The following MED1 variants were observed in gnomAD, a reference collection of about 807,000 sequenced individuals.
The protein encoded by MED1 is mediator of RNA polymerase II transcription subunit 1.
Under a neutral mutation model 121.3 loss-of-function variants are expected in MED1, and 17 were observed. The observed-to-expected ratio is 0.14, with a 90% CI of 0.10 to 0.21. The LOEUF (loss-of-function observed/expected upper bound fraction) is 0.21, where lower values mean the gene tolerates loss of function less well. Ranked by LOEUF, MED1 falls within the 10% of genes least tolerant of loss-of-function variation. The pLI, the probability that MED1 is intolerant of heterozygous loss-of-function variation, is 1.00. For synonymous variants in MED1, 661 were observed against 694.4 expected, an observed-to-expected ratio of 0.95 and a Z score of 0.76; for missense variants, 1,558 against 1,919.4, an observed-to-expected ratio of 0.81 and a Z score of 3.52.
intron 14 of MED1, among the ~76,000 whole-genome samples, chr17:39,416,904 G>A (rs1044523482): frequency 1.3e-5 from 2 of 152,168 alleles, no homozygotes; most frequent in Non-Finnish European, 2.9e-5. Flanking sequence ...TAGATGTAGA[G>A]GTGCATGCCT....
At position 39,407,427 on chromosome 17, in the gene MED1, C is replaced by A; in HGVS notation, c.*48G>T. ...TATGGTGGTTTGCCTATAAACTTAT[C>A]AATAGTTTTTTTTCCTCTGGCCCTG... On this transcript the variant is annotated 3_prime_UTR_variant, in exon 17 of 17. Coordinates refer to ENST00000300651, the MANE Select transcript of MED1 (RefSeq NM_004774.4). 1.9e-6 allele frequency: 3 copies of A among 1,543,934 alleles called. No homozygotes were observed. Among genetic ancestry groups the A allele is most frequent in the South Asian group, 2.6e-5 (2 of 78,290 alleles).
intron 10 of MED1, among the ~76,000 whole-genome samples, chr17:39,424,960 A>G (rs1278703992): frequency 1.3e-5 from 2 of 152,036 alleles, no homozygotes; most frequent in Non-Finnish European, 2.9e-5. Context: ...GCTCACTGCA[A>G]GCTCCACCTC....
intron 5 of MED1, among the ~76,000 whole-genome samples, chr17:39,439,936 GAA>G (rs552947074): frequency 8.5e-6 from 1 of 117,408 alleles, no homozygotes; most frequent in Admixed American, 1.0e-4. Context: ...CTGTCCCAGG[GAA>G]AAAAAAAAAG....
chr17:39,410,164 T>C lies in MED1; in HGVS notation c.2057A>G (p.Lys686Arg). Residue 686 changes from lysine (K) to arginine (R), a missense_variant, in exon 17 of 17, where the codon AAG becomes AGG. Lys to Arg is a conservative substitution (Grantham distance 26). This residue lies in a region of MED1 where 793 missense variants were observed against 898.2 expected (regional missense o/e 0.88). Coordinates refer to ENST00000300651, the MANE Select transcript of MED1 (RefSeq NM_004774.4). ...TCTTGATGACTTCTTTTTCTTGGTC[T>C]TGTTGCTCCCCGAGCATATTTCCAT... ...PRMEICSGSN[K>R]TKKKKSSRLP... 1.2e-6 allele frequency: 2 copies of C among 1,614,168 alleles called. No individual in the cohort carries two copies. The highest frequency in any genetic ancestry group is 1.7e-6 in the Non-Finnish European group (2 of 1,180,002).
intron 2 of MED1, among the ~76,000 whole-genome samples, chr17:39,447,336 A>T (rs2144777125): frequency 6.6e-6 from 1 of 151,892 alleles, no homozygotes; most frequent in South Asian, 2.1e-4. Flanking sequence ...GGTTGCAGTG[A>T]GCCGAGATCG....
chr17:39,421,588 A>T (rs1004458427), intron 13 of MED1, among the ~76,000 whole-genome samples: 3 of 151,842 alleles, frequency 2.0e-5, no homozygotes, highest in African/African-American at 7.2e-5. Context: ...GGATTTTGCC[A>T]CGTTGCCCAG....
At position 39,432,609 on chromosome 17, in the gene MED1, C is replaced by T. The variant is rs954434216; in HGVS notation, c.501-593G>A. On this transcript the variant is annotated intron_variant, in intron 7 of 16. Coordinates refer to ENST00000300651, the MANE Select transcript of MED1 (RefSeq NM_004774.4). ...ATAAAATACAAAAAAAAAAAATTAG[C>T]CAGGCGTGGCAGCATGCGCCTGTAG... Among the ~76,000 whole-genome samples, 10 of 151,156 alleles carry T rather than the reference C, an allele frequency of 6.6e-5. No individual in the cohort carries two copies. The South Asian group carries it at 1.5e-3, about 22-fold the overall frequency.
chr17:39,424,355 G>A (rs1376176642), intron 11 of MED1, among the ~76,000 whole-genome samples: 1 of 152,134 alleles, frequency 6.6e-6, no homozygotes, highest in African/African-American at 2.4e-5. Context: ...TTACTCCAAT[G>A]TAACTAATGA....
rs758153636 is a variant in MED1, at chr17:39,443,535, A to G, written c.211+15T>C. On this transcript the variant is annotated intron_variant, in intron 3 of 16. Transcript: ENST00000300651. Reference sequence around the variant, plus strand: ...GGTTTTGTGAAATCAGCATATTTCAAAAGTGTTCACAAACCTTTGAGAGCC... The same window carrying G: ...GGTTTTGTGAAATCAGCATATTTCAGAAGTGTTCACAAACCTTTGAGAGCC... 5.6e-6 allele frequency: 9 copies of G among 1,605,844 alleles called. No individual in the cohort carries two copies. The highest frequency in any genetic ancestry group is 2.7e-5 in the African/African-American group (2 of 74,756).
At chr17:39,434,148 G>A (rs2048596454) in intron 7 of MED1, 101 bp downstream of exon 7, 1 of 725,762 alleles carries the variant, frequency 1.4e-6, no homozygotes, top group East Asian at 3.0e-5. Flanking sequence ...GAAACTAGGA[G>A]TGACAAACAG....
chr17:39,431,571 G>A (rs1415804552), intron 8 of MED1, among the ~76,000 whole-genome samples: 6 of 152,150 alleles, frequency 3.9e-5, no homozygotes, highest in African/African-American at 9.7e-5. Context: ...GAGCCACCGC[G>A]CCCAGCCCAA....
chr17:39,427,881 A>G, intron 9 of MED1, 91 bp from the exon 10 acceptor site: 1 of 808,254 alleles, frequency 1.2e-6, no homozygotes, highest in East Asian at 2.8e-5. Context: ...CCGATATTCA[A>G]GAAAGTACTT....
In MED1 at chr17:39,407,928, A is replaced by G. The variant is rs368340523; in HGVS notation, c.4293T>C (p.Tyr1431=). ...TGGAACCACTGATGAGTGGAGAGCC[A>G]TAGTTTTTAGAAGAAGCCATTTGAG... ...LRPQMASSKN[Y]GSPLISGSTP... The change falls in exon 17 of 17, where the codon TAT becomes TAC. Residue 1431 remains tyrosine (Y), a synonymous_variant. Transcript: ENST00000300651. The G allele has an allele frequency of 1.6e-4, 265 of 1,614,064 alleles. 1 individual carries two copies. Among genetic ancestry groups the G allele is most frequent in the Non-Finnish European group, 2.2e-4 (256 of 1,180,054 alleles).
At chr17:39,432,629 C>T (rs2048576186) in intron 7 of MED1, among the ~76,000 whole-genome samples, 1 of 151,656 alleles carries the variant, frequency 6.6e-6, no homozygotes, top group African/African-American at 2.4e-5. Context: ...CAGCATGCGC[C>T]TGTAGTCCCA....
At chr17:39,422,897 G>A (rs1325045413) in intron 13 of MED1, among the ~76,000 whole-genome samples, 6 of 110,764 alleles carry the variant, frequency 5.4e-5, no homozygotes, top group African/African-American at 1.4e-4. Context: ...ACAGAGTCTC[G>A]CTCTGTCACC....
At position 39,432,008 on chromosome 17, in the gene MED1, T is replaced by G. The variant is rs1299878128; in HGVS notation, c.509A>C (p.Lys170Thr). 6.2e-7 allele frequency: 1 copy of G among 1,605,990 alleles called. No individual in the cohort carries two copies. Residue 170 changes from lysine to threonine, a missense_variant, in exon 8 of 17, where the codon AAG (lysine) becomes ACG (threonine). By Grantham distance (78) the Lys-to-Thr change is moderately conservative (BLOSUM62 -1). This residue lies in a region of MED1 where 443 missense variants were observed against 532.4 expected (regional missense o/e 0.83). Coordinates refer to ENST00000300651, the MANE Select transcript of MED1 (RefSeq NM_004774.4). ...LYNLPGDNKL[K>T]TKMYLALQSL... ...TTGGAGAGCCAAGTACATTTTAGTC[T>G]TCAGTTTGCTGGAGAGTAGATGAGA...
intron 2 of MED1, 130 bp from the exon 3 acceptor site, chr17:39,443,758 T>C: frequency 2.9e-6 from 2 of 688,134 alleles, no homozygotes; most frequent in Non-Finnish European, 5.1e-6. Context: ...ATAGATTTTG[T>C]AGACTATATA....
At position 39,405,960 on chromosome 17, in the gene MED1, C is replaced by A. The variant is rs1186826904; in HGVS notation, c.*1515G>T. 7.1e-6 allele frequency: 7 copies of A among 985,302 alleles called. No individual in the cohort carries two copies. Among genetic ancestry groups the A allele is most frequent in the Non-Finnish European group, 8.4e-6 (7 of 829,964 alleles). The allele number at this position is 985,302 out of a possible 1,614,324, so 61.0% of individuals were successfully genotyped here. ...TTGTGCTGGGGACCATGCCCCATCCCGCTGATACAGATCCTGAATGGAATA... is the reference window on the plus strand; with the variant it reads ...TTGTGCTGGGGACCATGCCCCATCCAGCTGATACAGATCCTGAATGGAATA... On this transcript the variant is annotated 3_prime_UTR_variant, in exon 17 of 17. Transcript: ENST00000300651.
In MED1 at chr17:39,408,438, TG is replaced by T. The variant is rs1567637708; in HGVS notation, c.3782del (p.Pro1261HisfsTer43). 1 of 1,614,064 alleles carries T rather than the reference TG, an allele frequency of 6.2e-7. No homozygotes were observed. The highest frequency in any genetic ancestry group is 8.5e-7 in the Non-Finnish European group (1 of 1,180,004). Reference protein sequence around the residue: ...SSGSLSQKTPPSSNSCTASSS... With the variant: ...SSGSLSQKTPXSSNSCTASSS... ...AAGATGCCGTACAGGAATTAGATGA[TG>T]GGGGAGTTTTCTGGGACAACGAGCC... On this transcript the variant is annotated frameshift_variant, in exon 17 of 17. Coordinates refer to ENST00000300651, the MANE Select transcript of MED1 (RefSeq NM_004774.4). LOFTEE classifies it high-confidence loss of function. This position sits in a 1 kb window ranked among gnomAD's most constrained non-coding sequence, Gnocchi z 4.7.
Sources: gnomAD v4.1 joint callset for allele counts (sites outside exome capture counted in the v4.1 genomes callset) on GRCh38, gnomAD v4.1.1 for gene constraint, gnomAD v4.1.1 regional missense constraint, Gnocchi (gnomAD v3.1) non-coding constraint, MANE v1.5 for transcripts, NCBI Gene and HGNC (gene_info 2026-07-23, HGNC 2026-07-21) for gene names.